Variants in VSTM2B observed in about 807,000 individuals in gnomAD.
The protein encoded by VSTM2B is V-set and transmembrane domain-containing protein 2B.
In VSTM2B, 24 loss-of-function variants were observed where a neutral mutation model predicts 24.0. The ratio of observed to expected loss-of-function variants is 1.00; its 90% CI spans 0.72 to 1.40. The LOEUF (loss-of-function observed/expected upper bound fraction) is 1.40, where lower values mean the gene tolerates loss of function less well. Among genes scored for constraint, VSTM2B ranks in the 40% most tolerant of loss-of-function variants. The probability of loss-of-function intolerance (pLI) is 0.00; values close to 1 mark genes in which losing one functional copy is unlikely to be tolerated. For synonymous variants in VSTM2B, 226 were observed against 194.4 expected (o/e 1.16, Z -1.35); for missense variants, 399 against 416.4 (o/e 0.96, Z 0.36).
intron 4 of VSTM2B, among the ~76,000 whole-genome samples, chr19:29,546,644 G>A (rs1970162803): frequency 6.6e-6 from 1 of 152,234 alleles, no homozygotes; most frequent in South Asian, 2.1e-4. Flanking sequence ...CACTGAGGGA[G>A]GCAGCCTCGC....
At chr19:29,536,784 A>C (rs1200317001) in intron 4 of VSTM2B, among the ~76,000 whole-genome samples, 1 of 152,176 alleles carries the variant, frequency 6.6e-6, no homozygotes, top group East Asian at 1.9e-4. Flanking sequence ...CCCCCCAACA[A>C]GGAGCTGCTC....
chr19:29,528,722 C>A (rs1260690259), intron 3 of VSTM2B, among the ~76,000 whole-genome samples: 1 of 152,232 alleles, frequency 6.6e-6, no homozygotes, highest in African/African-American at 2.4e-5. Context: ...CTGTAAAACT[C>A]CCCTTGGTCG....
intron 4 of VSTM2B, among the ~76,000 whole-genome samples, chr19:29,547,437 G>T (rs1325018866): frequency 6.6e-6 from 1 of 152,200 alleles, no homozygotes; most frequent in Non-Finnish European, 1.5e-5. Context: ...GGCAACCTTT[G>T]CCTTGTTATC....
intron 4 of VSTM2B, among the ~76,000 whole-genome samples, chr19:29,556,366 G>C (rs1308517894): frequency 6.6e-6 from 1 of 152,130 alleles, no homozygotes; most frequent in Non-Finnish European, 1.5e-5. Context: ...AATTAACTAG[G>C]TATTGATGGA....
rs909574320 is a variant in VSTM2B at position 29,526,399 on chromosome 19, C to T, written c.-185C>T. 6 of 211,376 alleles carry T rather than the reference C, an allele frequency of 2.8e-5. No individual in the cohort carries two copies. In the South Asian group the frequency reaches 1.1e-3, roughly 39 times the overall value. The allele number at this position is 211,376 out of a possible 1,614,324, so 13.1% of individuals were successfully genotyped here. ...CCCGCGCAGCGCCCCCCGCCGGAGC[C>T]GCACCGGGCAAGCCGGCGAGGGAGC... is the stretch of plus-strand genomic sequence containing the variant. On this transcript the variant is annotated 5_prime_UTR_variant, in exon 1 of 5. Coordinates refer to ENST00000335523, the MANE Select transcript of VSTM2B (RefSeq NM_001146339.2). The surrounding 1 kb of genome is among the most constrained non-coding windows in gnomAD (Gnocchi z 4.1).
intron 4 of VSTM2B, among the ~76,000 whole-genome samples, chr19:29,545,217 G>A (rs181169429): frequency 6.6e-6 from 1 of 152,270 alleles, no homozygotes; most frequent in Admixed American, 6.5e-5. Context: ...AGGCAGGGGT[G>A]CGGGGAGAGA....
At position 29,551,481 on chromosome 19, in the gene VSTM2B, G is replaced by A. The variant is rs564482008; in HGVS notation, c.770-12365G>A. 5.9e-5 allele frequency among the ~76,000 whole-genome samples: 9 copies of A among 152,260 alleles called. No individual in the cohort carries two copies. The East Asian group carries it at 1.7e-3, about 29-fold the overall frequency. On this transcript the variant is annotated intron_variant, in intron 4 of 4. Coordinates refer to ENST00000335523, the MANE Select transcript of VSTM2B (RefSeq NM_001146339.2). ...GTGGGGTGGGGGGCAGGGGGAAGTA[G>A]AGATGCCCGTTGTGTTCTTTGAGGG...
intron 4 of VSTM2B, among the ~76,000 whole-genome samples, chr19:29,532,861 G>A (rs966084857): frequency 3.3e-5 from 5 of 152,204 alleles, no homozygotes; most frequent in Admixed American, 6.5e-5. Flanking sequence ...GTTAAAGACC[G>A]GTCAAGACCA....
chr19:29,555,311 A>G (rs896021865), intron 4 of VSTM2B, among the ~76,000 whole-genome samples: 2 of 152,202 alleles, frequency 1.3e-5, no homozygotes, highest in African/African-American at 4.8e-5. Context: ...ATGACTCCTG[A>G]GTAGATAATG....
chr19:29,554,296 C>G (rs576698861), intron 4 of VSTM2B, among the ~76,000 whole-genome samples: 198 of 152,260 alleles, frequency 1.3e-3, no homozygotes, highest in Admixed American at 2.1e-3. Context: ...ATTTCCAACA[C>G]AGAATATCAT....
In VSTM2B at chr19:29,563,956, T is replaced by G. The variant is rs765716574; in HGVS notation, c.*22T>G. The G allele has an allele frequency of 6.4e-7, 1 of 1,550,486 alleles. No individual in the cohort carries two copies. Among genetic ancestry groups the G allele is most frequent in the South Asian group, 1.2e-5 (1 of 84,022 alleles). On this transcript the variant is annotated 3_prime_UTR_variant, in exon 5 of 5. Coordinates refer to ENST00000335523, the MANE Select transcript of VSTM2B (RefSeq NM_001146339.2). ...TTGACAGACAAGACCAACCCGAGCA[T>G]CTCAGAGGCCGCACATGACCTGCCC...
chr19:29,544,323 G>A (rs866477084), intron 4 of VSTM2B, among the ~76,000 whole-genome samples: 5 of 151,242 alleles, frequency 3.3e-5, no homozygotes, highest in South Asian at 2.1e-4. Flanking sequence ...TCAGGAGATC[G>A]AGACCATCCT....
At position 29,563,886 on chromosome 19, in the gene VSTM2B, G is replaced by C. The variant is rs1599916397; in HGVS notation, c.810G>C (p.Leu270=). 4 of 1,552,302 alleles carry C rather than the reference G, an allele frequency of 2.6e-6. No homozygotes were observed. The highest frequency in any genetic ancestry group is 3.5e-6 in the Non-Finnish European group (4 of 1,147,116). The change falls in exon 5 of 5, where the codon CTG becomes CTC. Residue 270 remains leucine (L), a synonymous_variant. Coordinates refer to ENST00000335523, the MANE Select transcript of VSTM2B (RefSeq NM_001146339.2). Reference sequence around the variant, plus strand: ...ACACCACAGACCCACTCTTGTCCCTGCTCCTGTTAGCTCTGCATAAGTTCC... The same window carrying C: ...ACACCACAGACCCACTCTTGTCCCTCCTCCTGTTAGCTCTGCATAAGTTCC... The part of the protein sequence containing the change: ...RSYTTDPLLS[L]LLLALHKFLR...
intron 4 of VSTM2B, among the ~76,000 whole-genome samples, chr19:29,554,196 G>A (rs1228862570): frequency 5.3e-5 from 8 of 152,164 alleles, no homozygotes; most frequent in Admixed American, 5.2e-4. Flanking sequence ...CACCTACAGA[G>A]GGAAGCCCAT....
At chr19:29,554,160 A>C (rs1970354031) in intron 4 of VSTM2B, among the ~76,000 whole-genome samples, 1 of 152,202 alleles carries the variant, frequency 6.6e-6, no homozygotes, top group Non-Finnish European at 1.5e-5. Context: ...AAAAATGTAA[A>C]GGGCAACCAG....
At chr19:29,542,680 T>C (rs1970052011) in intron 4 of VSTM2B, among the ~76,000 whole-genome samples, 1 of 151,690 alleles carries the variant, frequency 6.6e-6, no homozygotes, top group African/African-American at 2.4e-5. Context: ...TATAAGTGGG[T>C]GGATGGGTGA....
intron 2 of VSTM2B, among the ~76,000 whole-genome samples, chr19:29,527,853 C>T (rs1056711152): frequency 6.6e-6 from 1 of 152,186 alleles, no homozygotes; most frequent in African/African-American, 2.4e-5. Context: ...CTCAGGGGCA[C>T]AGAGGGGCCA....
chr19:29,532,900 G>T (rs1969793308), intron 4 of VSTM2B, among the ~76,000 whole-genome samples: 2 of 152,222 alleles, frequency 1.3e-5, no homozygotes, highest in East Asian at 1.9e-4. Context: ...GAGTGGACTT[G>T]GTTGTGCTCA....
At chr19:29,562,116 G>A (rs117933162) in intron 4 of VSTM2B, among the ~76,000 whole-genome samples, 8 of 152,146 alleles carry the variant, frequency 5.3e-5, no homozygotes, top group Admixed American at 1.3e-4. Context: ...CTTTGCATTC[G>A]GATGTTTGAA....
Sources: gnomAD v4.1 joint callset for allele counts (sites outside exome capture counted in the v4.1 genomes callset) on GRCh38, gnomAD v4.1.1 for gene constraint, Gnocchi (gnomAD v3.1) non-coding constraint, MANE v1.5 for transcripts, NCBI Gene and HGNC (gene_info 2026-07-23, HGNC 2026-07-21) for gene names.